Variants in ACSM6 observed in about 807,000 individuals in gnomAD.
ACSM6 encodes the protein acyl-coenzyme A synthetase ACSM6, mitochondrial.
Under a neutral mutation model 51.1 loss-of-function variants are expected in ACSM6, and 35 were observed. The observed-to-expected ratio is 0.69, with a 90% CI of 0.52 to 0.91. The LOEUF (loss-of-function observed/expected upper bound fraction) is 0.91. Ranked by LOEUF, ACSM6 falls within the 40% of genes least tolerant of loss-of-function variation. The pLI, the probability that ACSM6 is intolerant of heterozygous loss-of-function variation, is 0.00. For missense variants in ACSM6, 509 were observed against 584.1 expected (o/e 0.87, Z 1.32); for synonymous variants, 172 against 207.3 (o/e 0.83, Z 1.46).
chr10:95,227,767 T>C (rs1589500182), intron 10 of ACSM6, among the ~76,000 whole-genome samples: 3 of 152,262 alleles, frequency 2.0e-5, no homozygotes, highest in South Asian at 2.1e-4. Context: ...TGGCAATGAG[T>C]CAAATGCTGT....
chr10:95,199,414 G>A (rs1419083974), intron 2 of ACSM6, among the ~76,000 whole-genome samples: 2 of 152,122 alleles, frequency 1.3e-5, no homozygotes, highest in Non-Finnish European at 2.9e-5. Context: ...GAAAACCTAG[G>A]CAATTCCATT....
chr10:95,214,765 C>A, intron 7 of ACSM6, 87 bp from the exon 8 acceptor site: 1 of 1,411,312 alleles, frequency 7.1e-7, no homozygotes. Context: ...GGAATAACTG[C>A]ATCATTTTTC....
chr10:95,202,663 C>A (rs542086866), intron 3 of ACSM6, among the ~76,000 whole-genome samples: 55 of 152,018 alleles, frequency 3.6e-4, no homozygotes, highest in Non-Finnish European at 6.8e-4. Flanking sequence ...GTGGCTCACA[C>A]CTGTAATTCC....
At chr10:95,194,761 T>C in intron 2 of ACSM6, 84 bp downstream of exon 2, 1 of 1,239,816 alleles carries the variant, frequency 8.1e-7, no homozygotes, top group Non-Finnish European at 1.1e-6. Flanking sequence ...TCATATCCCA[T>C]CTATGGCTGG....
In ACSM6 at chr10:95,227,586, A is replaced by G. The variant is rs1165721483; in HGVS notation, c.1303-1058A>G. On this transcript the variant is annotated intron_variant, in intron 10 of 10. Coordinates refer to ENST00000341686, the Ensembl canonical transcript of ACSM6. ...AGACTTTAAAATCATGTTCTCACCC[A>G]TAAGACAGATTCCAAAGAAGAGACC... Among the ~76,000 whole-genome samples, 3 of 152,254 alleles carry G rather than the reference A, an allele frequency of 2.0e-5. No individual in the cohort carries two copies. In the South Asian group the frequency reaches 6.2e-4, roughly 31 times the overall value.
intron 10 of ACSM6, among the ~76,000 whole-genome samples, chr10:95,226,982 T>G (rs1047645036): frequency 7.1e-6 from 1 of 141,034 alleles, no homozygotes; most frequent in South Asian, 2.3e-4. Context: ...AAATCTTATA[T>G]GACAACTTTT....
At chr10:95,211,222 C>T (rs1012740643) in intron 5 of ACSM6, among the ~76,000 whole-genome samples, 1 of 152,178 alleles carries the variant, frequency 6.6e-6, no homozygotes, top group African/African-American at 2.4e-5. Context: ...ATCACACCAC[C>T]CCTTTTTTAA....
intron 9 of ACSM6, among the ~76,000 whole-genome samples, chr10:95,224,420 T>C (rs560272819): frequency 5.6e-4 from 85 of 152,314 alleles, no homozygotes; most frequent in Admixed American, 5.5e-3. Context: ...AAATAAGTCA[T>C]TATTTTCTTT....
chr10:95,224,184 T>G (rs1015278283), intron 9 of ACSM6, among the ~76,000 whole-genome samples: 14 of 152,220 alleles, frequency 9.2e-5, no homozygotes, highest in African/African-American at 3.4e-4. Flanking sequence ...GTATTATCCC[T>G]GAAGACCTCT....
intron 1 of ACSM6, 77 bp from the exon 2 acceptor site, chr10:95,194,388 A>ATTC: frequency 1.7e-6 from 2 of 1,163,386 alleles, no homozygotes; most frequent in Non-Finnish European, 2.4e-6. Context: ...TTATGGATTC[A>ATTC]TTCTCAGCAC....
At chr10:95,218,472 GCTCT>G (rs1213400006) in intron 8 of ACSM6, among the ~76,000 whole-genome samples, 1 of 152,188 alleles carries the variant, frequency 6.6e-6, no homozygotes, top group Non-Finnish European at 1.5e-5. Context: ...TAAAACATCA[GCTCT>G]CTCTTTCTCT....
intron 2 of ACSM6, 99 bp from the exon 3 acceptor site, chr10:95,201,886 A>G (rs2034797162): frequency 3.0e-6 from 3 of 1,012,518 alleles, no homozygotes; most frequent in Non-Finnish European, 3.0e-6. Context: ...CTAGCCTCTC[A>G]AGATCTAGCC....
In ACSM6 at chr10:95,210,877, G is replaced by C. The variant is rs140175632; in HGVS notation, c.755+84G>C. The C allele has an allele frequency of 4.4e-3, 6,376 of 1,443,458 alleles. 190 individuals carry two copies. The Admixed American group carries it at 0.061, about 14-fold the overall frequency. 89.4% of individuals were successfully genotyped at this position (1,443,458 alleles called of 1,614,324 possible). ...GCTTCATGGGACTAAAGCTAAGAAA[G>C]GAGTTTCTTACTCAAGACTGCAGAA... On this transcript the variant is annotated intron_variant, in intron 5 of 10. Transcript: ENST00000341686.
At chr10:95,202,552 A>G (rs1220320891) in intron 3 of ACSM6, among the ~76,000 whole-genome samples, 1 of 152,190 alleles carries the variant, frequency 6.6e-6, no homozygotes, top group African/African-American at 2.4e-5. Flanking sequence ...CTGTCCTAAC[A>G]TAGTCATCAT....
chr10:95,197,704 G>C (rs2034747639), intron 2 of ACSM6, among the ~76,000 whole-genome samples: 2 of 152,312 alleles, frequency 1.3e-5, no homozygotes, highest in Admixed American at 1.3e-4. Context: ...GCAGGAGACA[G>C]TGGCCTTCCT....
At chr10:95,202,650 G>T (rs954314437) in intron 3 of ACSM6, among the ~76,000 whole-genome samples, 4 of 152,078 alleles carry the variant, frequency 2.6e-5, no homozygotes, top group African/African-American at 9.7e-5. Flanking sequence ...GGTACTGGGT[G>T]CAGTGGCTCA....
At chr10:95,199,149 A>G (rs1458203176) in intron 2 of ACSM6, among the ~76,000 whole-genome samples, 2 of 152,224 alleles carry the variant, frequency 1.3e-5, no homozygotes, top group Non-Finnish European at 1.5e-5. Context: ...GTACCAAAAC[A>G]GAGATATAGA....
chr10:95,222,340 T>C (rs2035001662), intron 9 of ACSM6, among the ~76,000 whole-genome samples: 1 of 152,132 alleles, frequency 6.6e-6, no homozygotes, highest in Non-Finnish European at 1.5e-5. Context: ...AAAACAATCT[T>C]GGCTGGGCAA....
At chr10:95,212,074 C>G (rs368174862) in intron 6 of ACSM6, 40 bp downstream of exon 6, 4 of 1,610,476 alleles carry the variant, frequency 2.5e-6, no homozygotes, top group African/African-American at 1.3e-5. Flanking sequence ...GGGACAAAGG[C>G]CAGAGAGAGG....
Sources: gnomAD v4.1 joint callset for allele counts (sites outside exome capture counted in the v4.1 genomes callset) on GRCh38, gnomAD v4.1.1 for gene constraint, MANE v1.5 for transcripts, NCBI Gene and HGNC (gene_info 2026-07-23, HGNC 2026-07-21) for gene names.